Variants in PRKN observed in about 807,000 individuals in gnomAD.
The protein encoded by PRKN is E3 ubiquitin-protein ligase parkin.
In PRKN, 56 loss-of-function variants were observed where a neutral mutation model predicts 59.5. That is an observed-to-expected ratio of 0.94 (90% CI 0.76 to 1.18). The LOEUF is 1.18. Among genes scored for constraint, PRKN ranks in the 50% most tolerant of loss-of-function variants. The pLI, the probability that PRKN is intolerant of heterozygous loss-of-function variation, is 0.00. For missense variants in PRKN, 657 were observed against 596.4 expected, an observed-to-expected ratio of 1.10 and a Z score of -1.06; for synonymous variants, 250 against 222.1, an observed-to-expected ratio of 1.13 and a Z score of -1.12.
chr6:161,938,792 A>G (rs769332758), intron 6 of PRKN, among the ~76,000 whole-genome samples: 14 of 152,110 alleles, frequency 9.2e-5, no homozygotes, highest in Non-Finnish European at 1.3e-4. Flanking sequence ...GATTTTGTCT[A>G]TGTTTTAGAA....
Position 161,937,655 on chromosome 6 carries a change from T to C in PRKN, c.734+35647A>G, listed in dbSNP as rs1562402685. Among the ~76,000 whole-genome samples, 3 of 152,342 alleles carry C rather than the reference T, an allele frequency of 2.0e-5. No homozygotes were observed. In the South Asian group the frequency reaches 6.2e-4, roughly 32 times the overall value. On this transcript the variant is annotated intron_variant, in intron 6 of 11. Transcript: ENST00000366898. ...ATATATCAGTGGACTATGTTACGAT[T>C]TCTAGAACTCTTTTTAGTGAAATCA...
intron 9 of PRKN, among the ~76,000 whole-genome samples, chr6:161,403,020 A>G (rs1299862523): frequency 6.6e-6 from 1 of 152,146 alleles, no homozygotes; most frequent in African/African-American, 2.4e-5. Flanking sequence ...CTGTTCCCCA[A>G]GTGTCCTCTG....
intron 7 of PRKN, among the ~76,000 whole-genome samples, chr6:161,731,283 C>A (rs543813255): frequency 6.6e-6 from 1 of 152,364 alleles, no homozygotes; most frequent in Non-Finnish European, 1.5e-5. Context: ...GCGGCCAGAA[C>A]CCACCTGGTG....
rs553468034 is a variant in PRKN at position 162,196,518 on chromosome 6, C to T, written c.534+4613G>A. On this transcript the variant is annotated intron_variant, in intron 4 of 11. Coordinates refer to ENST00000366898, the MANE Select transcript of PRKN (RefSeq NM_004562.3). ...GAAGCAGATGAAAAGTGAATGCTTG[C>T]CAATTAGCTATTGTTCACCGTTTTC... Among the ~76,000 whole-genome samples, 4 of 152,246 alleles carry T rather than the reference C, an allele frequency of 2.6e-5. No homozygotes were observed. In the East Asian group the frequency reaches 5.8e-4, roughly 22 times the overall value.
At chr6:162,678,194 A>G (rs957005376) in intron 1 of PRKN, among the ~76,000 whole-genome samples, 2 of 152,214 alleles carry the variant, frequency 1.3e-5, no homozygotes, top group African/African-American at 4.8e-5. Flanking sequence ...TTGTATAACC[A>G]TTCACCTGTT....
chr6:161,635,043 A>T lies in PRKN; in HGVS notation c.872-65627T>A, dbSNP rs149151393. 1.1e-4 allele frequency among the ~76,000 whole-genome samples: 16 copies of T among 152,294 alleles called. No homozygotes were observed. In the East Asian group the frequency reaches 3.1e-3, roughly 30 times the overall value. ...ATGCTCCTTCCTCAGGGCCGTAATT[A>T]AAACGGGAGACTTAGGAGCTGGCAG... On this transcript the variant is annotated intron_variant, in intron 7 of 11. Coordinates refer to ENST00000366898, the MANE Select transcript of PRKN (RefSeq NM_004562.3).
chr6:162,652,903 T>G (rs1276544767), intron 1 of PRKN, among the ~76,000 whole-genome samples: 1 of 152,336 alleles, frequency 6.6e-6, no homozygotes, highest in East Asian at 1.9e-4. Flanking sequence ...ATCAGTATTC[T>G]GAGCATCTTT....
chr6:161,939,854 T>A (rs1170296727), intron 6 of PRKN, among the ~76,000 whole-genome samples: 1 of 152,114 alleles, frequency 6.6e-6, no homozygotes, highest in Non-Finnish European at 1.5e-5. Context: ...AAAAAATTAA[T>A]AAACAGTTTT....
chr6:162,647,985 G>C (rs1778261732), intron 1 of PRKN, among the ~76,000 whole-genome samples: 1 of 115,508 alleles, frequency 8.7e-6, no homozygotes, highest in Non-Finnish European at 1.8e-5. Context: ...AAAGTCTACG[G>C]GGCAAAATTT....
chr6:161,838,016 C>T (rs1650285248), intron 6 of PRKN, among the ~76,000 whole-genome samples: 1 of 152,110 alleles, frequency 6.6e-6, no homozygotes, highest in African/African-American at 2.4e-5. Context: ...GCCTTAACCC[C>T]CTTGCCTAGG....
intron 4 of PRKN, among the ~76,000 whole-genome samples, chr6:162,117,184 G>A (rs1382139761): frequency 6.6e-6 from 1 of 152,110 alleles, no homozygotes; most frequent in East Asian, 1.9e-4. Context: ...GAGAAAGTGG[G>A]GCTTAAAATA....
At chr6:162,532,989 A>G (rs1425908819) in intron 1 of PRKN, among the ~76,000 whole-genome samples, 1 of 152,198 alleles carries the variant, frequency 6.6e-6, no homozygotes, top group Admixed American at 6.5e-5. Flanking sequence ...CCAAACACTG[A>G]CAACCTAAAC....
At position 161,550,864 on chromosome 6, in the gene PRKN, T is replaced by C. The variant is rs1381206607; in HGVS notation, c.934-1861A>G. Among the ~76,000 whole-genome samples the C allele has an allele frequency of 6.6e-6, 1 of 152,032 alleles. No homozygotes were observed. The highest frequency in any genetic ancestry group is 1.5e-5 in the Non-Finnish European group (1 of 68,006). On this transcript the variant is annotated intron_variant, in intron 8 of 11. Transcript: ENST00000366898. This position sits in a 1 kb window ranked among gnomAD's most constrained non-coding sequence, Gnocchi z 4.0. ...AATGTCCAGTATCTAATTGAATAAA[T>C]AAGTGTAGTTTAGGAGAAAGGCATG...
intron 1 of PRKN, among the ~76,000 whole-genome samples, chr6:162,492,270 G>A (rs970932672): frequency 1.3e-5 from 2 of 152,190 alleles, no homozygotes; most frequent in African/African-American, 4.8e-5. Context: ...TGCATTGAAG[G>A]GTGCGCTTGC....
intron 9 of PRKN, among the ~76,000 whole-genome samples, chr6:161,439,419 T>C (rs1033940750): frequency 2.0e-5 from 3 of 152,228 alleles, no homozygotes; most frequent in East Asian, 1.9e-4. Flanking sequence ...CTGTGGGAGA[T>C]GTAGAAATGC....
At chr6:162,182,752 G>T (rs2128323543) in intron 4 of PRKN, among the ~76,000 whole-genome samples, 1 of 152,258 alleles carries the variant, frequency 6.6e-6, no homozygotes, top group African/African-American at 2.4e-5. Context: ...TTTACAAATT[G>T]ATGTTCTGTG....
chr6:161,778,795 G>A (rs932724199), intron 7 of PRKN, among the ~76,000 whole-genome samples: 2 of 152,150 alleles, frequency 1.3e-5, no homozygotes, highest in African/African-American at 2.4e-5. Flanking sequence ...GGGCTGTGCT[G>A]CATCTGACCA....
rs1777390471 is a variant in PRKN, at chr6:161,488,034, T to A, written c.1083+60820A>T. On this transcript the variant is annotated intron_variant, in intron 9 of 11. Coordinates refer to ENST00000366898, the MANE Select transcript of PRKN (RefSeq NM_004562.3). This position sits in a 1 kb window ranked among gnomAD's most constrained non-coding sequence, Gnocchi z 4.5. ...GAAAATAAGCAAGGCAATTGAATAA[T>A]GTAATTCCAGTTAGTGGTAAGTGAT... Among the ~76,000 whole-genome samples the A allele has an allele frequency of 6.6e-6, 1 of 152,200 alleles. No homozygotes were observed. Among genetic ancestry groups the A allele is most frequent in the African/African-American group, 2.4e-5 (1 of 41,450 alleles).
At chr6:161,710,399 A>T (rs2128182101) in intron 7 of PRKN, among the ~76,000 whole-genome samples, 1 of 152,322 alleles carries the variant, frequency 6.6e-6, no homozygotes, top group South Asian at 2.1e-4. Context: ...GATATTTTCA[A>T]TTTAGGATGG....
Sources: gnomAD v4.1 joint callset for allele counts (sites outside exome capture counted in the v4.1 genomes callset) on GRCh38, gnomAD v4.1.1 for gene constraint, Gnocchi (gnomAD v3.1) non-coding constraint, MANE v1.5 for transcripts, NCBI Gene and HGNC (gene_info 2026-07-23, HGNC 2026-07-21) for gene names.